Variants in NTRK3 observed in about 807,000 individuals in gnomAD.
NTRK3 encodes NT-3 growth factor receptor.
NTRK3 carries 24 observed loss-of-function variants against 91.7 expected under a neutral mutation model. The observed-to-expected ratio is 0.26, with a 90% CI of 0.19 to 0.37. The LOEUF is 0.37. NTRK3 is among the 10% of genes least tolerant of loss of function. The probability of loss-of-function intolerance (pLI) is 1.00; values close to 1 mark genes in which losing one functional copy is unlikely to be tolerated. For synonymous variants in NTRK3, 483 were observed against 404.0 expected (o/e 1.20, Z -2.34); for missense variants, 880 against 1,068.9 (o/e 0.82, Z 2.46).
chr15:88,002,153 T>C (rs1489694560), intron 14 of NTRK3, among the ~76,000 whole-genome samples: 2 of 149,202 alleles, frequency 1.3e-5, no homozygotes, highest in African/African-American at 4.9e-5. Context: ...TTTCTCTCTC[T>C]GAAGGATAGT....
intron 14 of NTRK3, among the ~76,000 whole-genome samples, chr15:87,981,911 T>G (rs557639646): frequency 1.3e-5 from 2 of 152,338 alleles, no homozygotes; most frequent in East Asian, 3.9e-4. Context: ...CTTGCCATTG[T>G]TAGGGCATAA....
chr15:88,230,649 A>T (rs2051102684), intron 3 of NTRK3, among the ~76,000 whole-genome samples: 2 of 152,176 alleles, frequency 1.3e-5, no homozygotes, highest in African/African-American at 2.4e-5. Flanking sequence ...ATTAGCTTGC[A>T]GTATACCTGT....
At chr15:88,232,140 T>C (rs1342942508) in intron 3 of NTRK3, among the ~76,000 whole-genome samples, 2 of 152,118 alleles carry the variant, frequency 1.3e-5, no homozygotes, top group African/African-American at 4.8e-5. Context: ...CTGGGCACTC[T>C]GGCTGTGTGC....
intron 3 of NTRK3, among the ~76,000 whole-genome samples, chr15:88,231,866 T>C (rs925546850): frequency 6.6e-6 from 1 of 152,208 alleles, no homozygotes; most frequent in African/African-American, 2.4e-5. Flanking sequence ...CTGAGTGATT[T>C]CTTATTCTAT....
At chr15:88,165,390 T>C (rs2151464135) in intron 5 of NTRK3, among the ~76,000 whole-genome samples, 1 of 152,344 alleles carries the variant, frequency 6.6e-6, no homozygotes, top group South Asian at 2.1e-4. Flanking sequence ...CATTATTTCT[T>C]AGACCTGCAC....
intron 3 of NTRK3, among the ~76,000 whole-genome samples, chr15:88,210,334 T>C (rs1213465480): frequency 1.3e-5 from 2 of 152,124 alleles, no homozygotes; most frequent in Non-Finnish European, 1.5e-5. Context: ...CAGAGAGCAA[T>C]GACCTGATCT....
chr15:88,168,679 C>A (rs1364528392), intron 5 of NTRK3, among the ~76,000 whole-genome samples: 1 of 152,198 alleles, frequency 6.6e-6, no homozygotes, highest in African/African-American at 2.4e-5. Context: ...AGGGACACAG[C>A]TGGACTTGCC....
chr15:87,874,254 T>A lies in NTRK3; in HGVS notation c.*2681A>T, dbSNP rs139802956. The stretch of plus-strand genomic sequence containing the variant: ...AAGGCTAATATATCAAAGTAATATA[T>A]CTTCCCTCGCTACCCTTCCCTGCTC... On this transcript the variant is annotated 3_prime_UTR_variant, in exon 19 of 19. Transcript: ENST00000394480. The A allele has an allele frequency of 2.9e-3, 635 of 222,708 alleles. 7 individuals are homozygous for A. The highest frequency in any genetic ancestry group is 0.025 in the Admixed American group (430 of 17,296). The allele number at this position is 222,708 out of a possible 1,614,324, so 13.8% of individuals were successfully genotyped here.
At chr15:88,004,003 GA>G (rs2076303554) in intron 14 of NTRK3, among the ~76,000 whole-genome samples, 1 of 152,080 alleles carries the variant, frequency 6.6e-6, no homozygotes, top group African/African-American at 2.4e-5. Flanking sequence ...CCATAAGAAA[GA>G]AAAGACAGGA....
intron 13 of NTRK3, among the ~76,000 whole-genome samples, chr15:88,051,918 T>C (rs1411735861): frequency 2.0e-5 from 3 of 152,206 alleles, no homozygotes; most frequent in Admixed American, 6.5e-5. Flanking sequence ...TTCCCACTTC[T>C]CATCAAAGCA....
At chr15:87,922,640 C>A (rs74936997) in intron 17 of NTRK3, among the ~76,000 whole-genome samples, 1,560 of 152,278 alleles carry the variant, frequency 0.01, 32 homozygotes, top group African/African-American at 0.036. Flanking sequence ...TGAAGCCCAT[C>A]CTTTGACCTG....
At chr15:88,064,920 G>C (rs368294568) in intron 13 of NTRK3, among the ~76,000 whole-genome samples, 2 of 152,314 alleles carry the variant, frequency 1.3e-5, no homozygotes, top group East Asian at 3.9e-4. Context: ...AATACTTTCA[G>C]ACTGAGGGCT....
At chr15:87,909,869 C>T (rs2066986340) in intron 17 of NTRK3, among the ~76,000 whole-genome samples, 1 of 152,184 alleles carries the variant, frequency 6.6e-6, no homozygotes. Flanking sequence ...AAGAGCGAGG[C>T]CTCTGAATGA....
chr15:87,945,982 T>C (rs1318763724), intron 14 of NTRK3, among the ~76,000 whole-genome samples: 1 of 152,210 alleles, frequency 6.6e-6, no homozygotes, highest in Non-Finnish European at 1.5e-5. Context: ...ATAAAGATGA[T>C]ATAAAATATC....
intron 3 of NTRK3, among the ~76,000 whole-genome samples, chr15:88,190,328 G>T (rs1291162799): frequency 6.6e-6 from 1 of 152,016 alleles, no homozygotes; most frequent in Non-Finnish European, 1.5e-5. Context: ...CACCTAAAAT[G>T]CATTACACAC....
chr15:88,245,373 G>T (rs2052718591), intron 3 of NTRK3, among the ~76,000 whole-genome samples: 1 of 152,208 alleles, frequency 6.6e-6, no homozygotes, highest in African/African-American at 2.4e-5. Flanking sequence ...TGAGGAAACT[G>T]AGGCTCAGAA....
chr15:88,055,103 A>G (rs2045566383), intron 13 of NTRK3, among the ~76,000 whole-genome samples: 1 of 152,204 alleles, frequency 6.6e-6, no homozygotes, highest in Admixed American at 6.5e-5. Context: ...TGGTGCATCC[A>G]GTGAGCTTAG....
chr15:87,906,028 C>T (rs1343815231), intron 17 of NTRK3, among the ~76,000 whole-genome samples: 2 of 152,210 alleles, frequency 1.3e-5, no homozygotes, highest in Non-Finnish European at 2.9e-5. Context: ...ACACATGGGA[C>T]ATTCGGGTCA....
At chr15:87,966,073 CTCAAACAA>C (rs934035641) in intron 14 of NTRK3, among the ~76,000 whole-genome samples, 13 of 139,198 alleles carry the variant, frequency 9.3e-5, no homozygotes, top group African/African-American at 2.6e-4. Flanking sequence ...GCAAAACTGT[CTCAAACAA>C]ACAAACAAAC....
Sources: gnomAD v4.1 joint callset for allele counts (sites outside exome capture counted in the v4.1 genomes callset) on GRCh38, gnomAD v4.1.1 for gene constraint, MANE v1.5 for transcripts, NCBI Gene and HGNC (gene_info 2026-07-23, HGNC 2026-07-21) for gene names.